ZNF385D: variants seen among roughly 807,000 people sequenced by gnomAD.
ZNF385D encodes the protein zinc finger protein 659.
A neutral mutation model predicts 35.8 loss-of-function variants in ZNF385D; 15 were observed. That is an observed-to-expected ratio of 0.42 (90% CI 0.28 to 0.64). The LOEUF is 0.64. Ranked by LOEUF, ZNF385D falls within the 30% of genes least tolerant of loss-of-function variation. ZNF385D has a pLI of 0.23. For synonymous variants in ZNF385D, 212 were observed against 186.8 expected, an observed-to-expected ratio of 1.13 and a Z score of -1.10; for missense variants, 474 against 494.6, an observed-to-expected ratio of 0.96 and a Z score of 0.39.
At chr3:22,249,191 C>T (rs1699941083) in intron 2 of ZNF385D, among the ~76,000 whole-genome samples, 2 of 152,134 alleles carry the variant, frequency 1.3e-5, no homozygotes, top group Admixed American at 1.3e-4. Context: ...TTCTTAGCAT[C>T]CATGAGCATA....
chr3:22,219,957 T>C (rs1698152057), intron 2 of ZNF385D, among the ~76,000 whole-genome samples: 1 of 152,188 alleles, frequency 6.6e-6, no homozygotes, highest in Admixed American at 6.5e-5. Context: ...GGGTTCATTT[T>C]ATTTTCTAAT....
intron 3 of ZNF385D, among the ~76,000 whole-genome samples, chr3:21,943,992 G>A (rs1436718136): frequency 6.6e-6 from 1 of 152,142 alleles, no homozygotes; most frequent in Non-Finnish European, 1.5e-5. Context: ...CCATGGAATT[G>A]CATTCAACAA....
At chr3:22,078,685 G>T (rs1425734661) in intron 3 of ZNF385D, among the ~76,000 whole-genome samples, 1 of 152,020 alleles carries the variant, frequency 6.6e-6, no homozygotes, top group African/African-American at 2.4e-5. Flanking sequence ...GTGTTTTCAA[G>T]ATACTTCTCA....
chr3:21,489,632 G>C (rs1020137517), intron 4 of ZNF385D, among the ~76,000 whole-genome samples: 2 of 152,084 alleles, frequency 1.3e-5, no homozygotes, highest in African/African-American at 4.8e-5. Flanking sequence ...TGAGATTTTG[G>C]CTTTTGTGAC....
At chr3:21,947,225 C>A (rs752919278) in intron 3 of ZNF385D, among the ~76,000 whole-genome samples, 4 of 152,004 alleles carry the variant, frequency 2.6e-5, no homozygotes, top group Non-Finnish European at 4.4e-5. Context: ...AATACAATAG[C>A]GAATTTACGA....
At chr3:21,767,631 G>C (rs2070887541) in intron 3 of ZNF385D, among the ~76,000 whole-genome samples, 1 of 151,920 alleles carries the variant, frequency 6.6e-6, no homozygotes. Context: ...ATGAGTGGGT[G>C]GATGGATGAA....
At chr3:22,370,683 T>A (rs1047848282) in intron 2 of ZNF385D, among the ~76,000 whole-genome samples, 2 of 152,212 alleles carry the variant, frequency 1.3e-5, no homozygotes, top group African/African-American at 2.4e-5. Flanking sequence ...CTGTGGGACT[T>A]TTCCCAATTT....
chr3:21,480,036 T>C (rs1025870459), intron 4 of ZNF385D, among the ~76,000 whole-genome samples: 2 of 151,998 alleles, frequency 1.3e-5, no homozygotes, highest in Admixed American at 6.6e-5. Context: ...AAAACAGTCA[T>C]ATACAGAGAT....
At chr3:21,898,856 A>G (rs1053549609) in intron 3 of ZNF385D, among the ~76,000 whole-genome samples, 14 of 152,136 alleles carry the variant, frequency 9.2e-5, no homozygotes, top group Admixed American at 4.6e-4. Context: ...GAAATAAAGG[A>G]GACATTTTTC....
chr3:21,654,836 C>T (rs1324175490), intron 2 of ZNF385D, among the ~76,000 whole-genome samples: 1 of 151,942 alleles, frequency 6.6e-6, no homozygotes. Context: ...GTCTGTGTAC[C>T]ACACTTTGAG....
intron 4 of ZNF385D, among the ~76,000 whole-genome samples, chr3:21,483,163 TCCAA>T (rs1704759951): frequency 6.6e-6 from 1 of 152,158 alleles, no homozygotes; most frequent in Non-Finnish European, 1.5e-5. Context: ...ATAGCTTACC[TCCAA>T]CCCTAAATCC....
At chr3:22,242,691 C>A (rs1293572571) in intron 2 of ZNF385D, among the ~76,000 whole-genome samples, 3 of 150,876 alleles carry the variant, frequency 2.0e-5, no homozygotes, top group African/African-American at 4.9e-5. Context: ...CATCCTGGAA[C>A]ATTAACAAAA....
intron 2 of ZNF385D, among the ~76,000 whole-genome samples, chr3:22,194,898 G>C (rs190617965): frequency 8.6e-5 from 13 of 151,946 alleles, no homozygotes; most frequent in Admixed American, 5.9e-4. Context: ...TTCACCCCTT[G>C]AAGGACACTA....
intron 2 of ZNF385D, among the ~76,000 whole-genome samples, chr3:22,305,593 G>C (rs1703162194): frequency 6.6e-6 from 1 of 152,102 alleles, no homozygotes; most frequent in Admixed American, 6.6e-5. Context: ...ACAGGAAAAA[G>C]AGTATGGTGA....
rs1262925355 is a variant in ZNF385D, at chr3:22,051,122, TG to T, written c.325+117694del. Among the ~76,000 whole-genome samples, 46 of 22,252 alleles carry T rather than the reference TG, an allele frequency of 2.1e-3. 1 individual carries two copies. The highest frequency in any genetic ancestry group is 6.3e-3 in the Admixed American group (10 of 1,596). The allele number at this position is 22,252 out of a possible 152,430, so 14.6% of individuals were successfully genotyped here. A position where few individuals can be genotyped will look rare whatever the true frequency, so the allele number is the denominator to read the frequency against. On this transcript the variant is annotated intron_variant, in intron 3 of 5. Transcript: ENST00000494108. ...GTGTTAAAGTCTCCCATTATTAATG[TG>T]TGGGAGTCTAAGTCTCTTTGTAGGT...
At chr3:21,545,665 C>T (rs377065299) in intron 3 of ZNF385D, among the ~76,000 whole-genome samples, 3 of 152,138 alleles carry the variant, frequency 2.0e-5, no homozygotes, top group African/African-American at 4.8e-5. Context: ...GTTATTTTAT[C>T]AAGACTTTGA....
At chr3:22,243,988 A>C (rs747326593) in intron 2 of ZNF385D, among the ~76,000 whole-genome samples, 3 of 150,922 alleles carry the variant, frequency 2.0e-5, no homozygotes, top group Non-Finnish European at 2.9e-5. Context: ...TTTATGGTCT[A>C]TGACAACAGT....
At chr3:21,532,645 C>T (rs1197937553) in intron 3 of ZNF385D, among the ~76,000 whole-genome samples, 1 of 149,810 alleles carries the variant, frequency 6.7e-6, no homozygotes, top group East Asian at 2.0e-4. Flanking sequence ...GTACATATTT[C>T]ACTTGTCCAT....
At chr3:21,666,896 G>A (rs1346017903) in intron 1 of ZNF385D, among the ~76,000 whole-genome samples, 2 of 151,994 alleles carry the variant, frequency 1.3e-5, no homozygotes, top group African/African-American at 2.4e-5. Flanking sequence ...TGGCTAACAC[G>A]GCGAAACTCC....
Sources: gnomAD v4.1 joint callset for allele counts (sites outside exome capture counted in the v4.1 genomes callset) on GRCh38, gnomAD v4.1.1 for gene constraint, MANE v1.5 for transcripts, NCBI Gene and HGNC (gene_info 2026-07-23, HGNC 2026-07-21) for gene names.